ALK: variants seen among roughly 807,000 people sequenced by gnomAD.
The protein encoded by ALK is ALK tyrosine kinase receptor.
In ALK, 74 loss-of-function variants were observed where a neutral mutation model predicts 163.1. That is an observed-to-expected ratio of 0.45 (90% CI 0.38 to 0.55). The LOEUF (loss-of-function observed/expected upper bound fraction) is 0.55, where lower values mean the gene tolerates loss of function less well. ALK is among the 20% of genes least tolerant of loss of function. The pLI is 0.00. For missense variants in ALK, 2,063 were observed against 2,105.3 expected, an observed-to-expected ratio of 0.98 and a Z score of 0.39; for synonymous variants, 960 against 843.2, an observed-to-expected ratio of 1.14 and a Z score of -2.40.
chr2:29,405,161 A>G (rs1386170843), intron 4 of ALK, among the ~76,000 whole-genome samples: 1 of 152,202 alleles, frequency 6.6e-6, no homozygotes, highest in Non-Finnish European at 1.5e-5. Context: ...CACCCTACAC[A>G]ATAATTAGCC....
intron 26 of ALK, among the ~76,000 whole-genome samples, chr2:29,200,758 T>TAC (rs1289071539): frequency 5.3e-4 from 57 of 107,476 alleles, no homozygotes; most frequent in East Asian, 2.7e-3. Flanking sequence ...TATACGTATA[T>TAC]ATGTATATAT....
At chr2:29,834,655 C>G (rs1488855200) in intron 1 of ALK, among the ~76,000 whole-genome samples, 5 of 151,946 alleles carry the variant, frequency 3.3e-5, no homozygotes, top group African/African-American at 9.7e-5. Context: ...GGCAACAAGC[C>G]AAAAGGGTGC....
chr2:29,228,273 G>A (rs2148179879), intron 16 of ALK, among the ~76,000 whole-genome samples: 1 of 152,346 alleles, frequency 6.6e-6, no homozygotes, highest in Admixed American at 6.5e-5. Context: ...GAGCATGCAT[G>A]CATTCGTCCT....
At chr2:29,899,811 G>A (rs1572482894) in intron 1 of ALK, 1 of 150,352 alleles carries the variant, frequency 6.7e-6, no homozygotes, top group South Asian at 2.1e-4. Flanking sequence ...GGGCGACAGA[G>A]TGAGACCCCA....
At chr2:29,361,173 T>C (rs570334275) in intron 5 of ALK, among the ~76,000 whole-genome samples, 1 of 152,322 alleles carries the variant, frequency 6.6e-6, no homozygotes, top group East Asian at 1.9e-4. Context: ...CAGGTCCCTG[T>C]GCTATTAGGA....
chr2:29,603,579 T>C (rs916669983), intron 3 of ALK, among the ~76,000 whole-genome samples: 4 of 152,042 alleles, frequency 2.6e-5, no homozygotes, highest in Non-Finnish European at 5.9e-5. Context: ...CTTCCCATCA[T>C]GGTCTGAACT....
chr2:29,329,327 C>T lies in ALK; in HGVS notation c.1283-846G>A, dbSNP rs368069219. Reference sequence around the variant, plus strand: ...AGACAACAGGAAGGAGAAGGCTGGTCTGGCTTAGCCTCCCTGACCAAATGG... The same window carrying T: ...AGACAACAGGAAGGAGAAGGCTGGTTTGGCTTAGCCTCCCTGACCAAATGG... On this transcript the variant is annotated intron_variant, in intron 5 of 28. Transcript: ENST00000389048. Among the ~76,000 whole-genome samples the T allele has an allele frequency of 5.2e-4, 79 of 152,340 alleles. No individual in the cohort carries two copies. In the South Asian group the frequency reaches 0.012, roughly 22 times the overall value.
chr2:29,853,528 A>G (rs533007803), intron 1 of ALK, among the ~76,000 whole-genome samples: 6 of 151,982 alleles, frequency 3.9e-5, no homozygotes, highest in Non-Finnish European at 7.4e-5. Flanking sequence ...CGCCACCTTC[A>G]TTGCTCATCT....
At chr2:29,359,994 G>A (rs1668350418) in intron 5 of ALK, among the ~76,000 whole-genome samples, 1 of 152,146 alleles carries the variant, frequency 6.6e-6, no homozygotes, top group Non-Finnish European at 1.5e-5. Flanking sequence ...CTCTCTCCAG[G>A]GGTACTCAGT....
At position 29,577,090 on chromosome 2, in the gene ALK, G is replaced by A. The variant is rs114746410; in HGVS notation, c.953-44974C>T. ...ACCAGTCCCCAGTGCCAAAAAGGTTGGAGACCGCTGCTCTGGAGAACTTCT... is the reference window on the plus strand; with the variant it reads ...ACCAGTCCCCAGTGCCAAAAAGGTTAGAGACCGCTGCTCTGGAGAACTTCT... On this transcript the variant is annotated intron_variant, in intron 3 of 28. Transcript: ENST00000389048. 6.8e-3 allele frequency among the ~76,000 whole-genome samples: 1,030 copies of A among 152,240 alleles called. 6 individuals carry two copies. Among genetic ancestry groups the A allele is most frequent in the African/African-American group, 0.024 (987 of 41,542 alleles).
intron 1 of ALK, among the ~76,000 whole-genome samples, chr2:29,788,444 C>T (rs1664100720): frequency 6.6e-6 from 1 of 152,212 alleles, no homozygotes; most frequent in Non-Finnish European, 1.5e-5. Flanking sequence ...CTTTCTTTCC[C>T]TTTCCATTTC....
intron 3 of ALK, among the ~76,000 whole-genome samples, chr2:29,686,132 G>A (rs572996272): frequency 1.3e-5 from 2 of 152,286 alleles, no homozygotes; most frequent in South Asian, 2.1e-4. Flanking sequence ...AGGGATCGGG[G>A]CATCTTGTTG....
chr2:29,861,057 A>C (rs1666278964), intron 1 of ALK, among the ~76,000 whole-genome samples: 1 of 152,150 alleles, frequency 6.6e-6, no homozygotes, highest in South Asian at 2.1e-4. Flanking sequence ...CTGTAGTCCC[A>C]GCTACTCAGG....
chr2:29,668,977 T>C (rs1439417474), intron 3 of ALK, among the ~76,000 whole-genome samples: 4 of 152,042 alleles, frequency 2.6e-5, no homozygotes, highest in Admixed American at 2.6e-4. Flanking sequence ...CATGATTCAA[T>C]TACCTCCCAC....
Position 29,672,303 on chromosome 2 carries a change from T to C in ALK, c.952+22547A>G, listed in dbSNP as rs1677723253. 3.3e-5 allele frequency among the ~76,000 whole-genome samples: 5 copies of C among 151,712 alleles called. No individual in the cohort carries two copies. In the South Asian group the frequency reaches 1.0e-3, roughly 32 times the overall value. ...AACTCGTCATCTAGCATTAGGTATA[T>C]CTCCCAATGCTATCCCTCCCCCTTC... On this transcript the variant is annotated intron_variant, in intron 3 of 28. Transcript: ENST00000389048.
At chr2:29,425,684 C>A (rs1170011695) in intron 4 of ALK, among the ~76,000 whole-genome samples, 1 of 152,196 alleles carries the variant, frequency 6.6e-6, no homozygotes, top group Non-Finnish European at 1.5e-5. Flanking sequence ...CTGCCTCAGA[C>A]CTGTGGCTCA....
chr2:29,279,481 G>A (rs1349090353), intron 9 of ALK, among the ~76,000 whole-genome samples: 1 of 152,182 alleles, frequency 6.6e-6, no homozygotes, highest in Admixed American at 6.5e-5. Context: ...GGGTGGGGCA[G>A]GAGCAGAGGC....
chr2:29,888,077 T>C (rs1308373696), intron 1 of ALK, among the ~76,000 whole-genome samples: 1 of 152,048 alleles, frequency 6.6e-6, no homozygotes, highest in Non-Finnish European at 1.5e-5. Context: ...TCACTGGTGG[T>C]TTATCACCTC....
At chr2:29,544,978 T>C (rs1333637765) in intron 3 of ALK, among the ~76,000 whole-genome samples, 4 of 152,208 alleles carry the variant, frequency 2.6e-5, no homozygotes, top group Non-Finnish European at 5.9e-5. Context: ...TCCAGACTTC[T>C]GTCCAGTAGA....
Sources: allele counts gnomAD v4.1 joint callset (sites outside exome capture counted in the v4.1 genomes callset), GRCh38; gene constraint gnomAD v4.1.1; transcripts MANE v1.5; gene names NCBI Gene and HGNC (gene_info 2026-07-23, HGNC 2026-07-21).